Variants in IL17RD observed in about 807,000 individuals in gnomAD.
IL17RD encodes interleukin 17 receptor D.
IL17RD carries 52 observed loss-of-function variants against 80.5 expected under a neutral mutation model. The ratio of observed to expected loss-of-function variants is 0.65; its 90% CI spans 0.52 to 0.81. The LOEUF is 0.81. Among genes scored for constraint, IL17RD ranks in the 40% least tolerant of loss-of-function variants. The pLI is 0.00. For missense variants in IL17RD, 1,024 were observed against 955.1 expected (o/e 1.07, Z -0.95); for synonymous variants, 416 against 391.8 (o/e 1.06, Z -0.73).
At chr3:57,139,539 G>C (rs1342556501) in intron 1 of IL17RD, among the ~76,000 whole-genome samples, 1 of 149,404 alleles carries the variant, frequency 6.7e-6, no homozygotes, top group Non-Finnish European at 1.5e-5. Context: ...TTTGAGACGG[G>C]GTCTTGCTCT....
chr3:57,114,970 G>A (rs779397971), intron 2 of IL17RD, among the ~76,000 whole-genome samples, 153 bp from the exon 3 acceptor site: 3 of 152,122 alleles, frequency 2.0e-5, no homozygotes, highest in South Asian at 2.1e-4. Context: ...GACATGAGAG[G>A]TTGACTACTG....
At chr3:57,158,997 A>G (rs1401693399) in intron 1 of IL17RD, among the ~76,000 whole-genome samples, 1 of 152,200 alleles carries the variant, frequency 6.6e-6, no homozygotes, top group Non-Finnish European at 1.5e-5. Flanking sequence ...TGAACAGACA[A>G]CATGCCCTTC....
At position 57,092,977 on chromosome 3, in the gene IL17RD, A is replaced by G. The variant is rs536743180; in HGVS notation, c.*3416T>C. 6.6e-6 allele frequency: 1 copy of G among 152,234 alleles called. No homozygotes were observed. Among genetic ancestry groups the G allele is most frequent in the African/African-American group, 2.4e-5 (1 of 41,532 alleles). 9.4% of individuals were successfully genotyped at this position (152,234 alleles called of 1,614,324 possible). On this transcript the variant is annotated 3_prime_UTR_variant, in exon 13 of 13. Coordinates refer to ENST00000296318, the MANE Select transcript of IL17RD (RefSeq NM_017563.5). ...GTTGCCAATATTTTTTAAAATCAGA[A>G]TTTTTCATATAAAAATCCAGATTGT...
chr3:57,125,530 C>T (rs1439578674), intron 1 of IL17RD, among the ~76,000 whole-genome samples: 2 of 152,180 alleles, frequency 1.3e-5, no homozygotes, highest in African/African-American at 4.8e-5. Context: ...GGTCATCCTT[C>T]CCAAGAAGGT....
chr3:57,110,202 G>A lies in IL17RD; in HGVS notation c.420C>T (p.Phe140=). The part of the protein sequence containing the change: ...LKDPKQLNSS[F]KRTGMESQPF... The stretch of plus-strand genomic sequence containing the variant: ...CCCCAGTGTGACTTACAGTTCTTTT[G>A]AAGCTACTGTTGAGCTGCTTCGGAT... Residue 140 remains phenylalanine, a synonymous_variant, in exon 4 of 13, where the codon TTC becomes TTT. Transcript: ENST00000296318. 2 of 1,595,368 alleles carry A rather than the reference G, an allele frequency of 1.3e-6. No homozygotes were observed. Among genetic ancestry groups the A allele is most frequent in the Non-Finnish European group, 1.7e-6 (2 of 1,170,046 alleles).
rs779894309 is a variant in IL17RD at position 57,115,350 on chromosome 3, C to T, written c.185-533G>A. Among the ~76,000 whole-genome samples the T allele has an allele frequency of 3.8e-4, 58 of 152,136 alleles. 1 individual carries two copies. The highest frequency in any genetic ancestry group is 7.1e-4 in the Non-Finnish European group (48 of 68,034). On this transcript the variant is annotated intron_variant, in intron 2 of 12. Coordinates refer to ENST00000296318, the MANE Select transcript of IL17RD (RefSeq NM_017563.5). ...TTAGCACAGGCTACTAACTCAGTGA[C>T]AAGTGATAAAGATGTTAACTAGCAT...
intron 1 of IL17RD, among the ~76,000 whole-genome samples, chr3:57,127,239 T>TAAAA (rs1553625548): frequency 1.0e-5 from 1 of 98,742 alleles, no homozygotes; most frequent in Non-Finnish European, 1.7e-5. Context: ...TAAAAATATA[T>TAAAA]AAATATATAT....
In IL17RD at chr3:57,097,774, C is replaced by T; in HGVS notation, c.1929G>A (p.Leu643=). ...ARPALDGSAA[L]QPLLHTVKAG... is the part of the protein sequence containing the mutation. ...CTTTCACCGTGTGCAGCAGGGGTTGCAGGGCGGCGCTACCGTCAAGGGCAG... is the reference window on the plus strand; with the variant it reads ...CTTTCACCGTGTGCAGCAGGGGTTGTAGGGCGGCGCTACCGTCAAGGGCAG... Residue 643 remains leucine, a synonymous_variant, in exon 12 of 13, where the codon CTG becomes CTA. Coordinates refer to ENST00000296318, the MANE Select transcript of IL17RD (RefSeq NM_017563.5). 3 of 1,602,030 alleles carry T rather than the reference C, an allele frequency of 1.9e-6. No homozygotes were observed. Among genetic ancestry groups the T allele is most frequent in the Non-Finnish European group, 2.6e-6 (3 of 1,173,834 alleles).
At position 57,120,373 on chromosome 3, in the gene IL17RD, G is replaced by A. The variant is rs1433266663; in HGVS notation, c.127-60C>T. ...AGCCAATTTGCTCTTCCAACACAAA[G>A]CCCCATGGAGTCCAAATGCAAGCAG... is the stretch of plus-strand genomic sequence containing the variant. On this transcript the variant is annotated intron_variant, in intron 1 of 12. Coordinates refer to ENST00000296318, the MANE Select transcript of IL17RD (RefSeq NM_017563.5). 1.6e-5 allele frequency: 20 copies of A among 1,223,004 alleles called. No homozygotes were observed. In the Admixed American group the frequency reaches 3.5e-4, roughly 21 times the overall value. The allele number at this position is 1,223,004 out of a possible 1,614,324, so 75.8% of individuals were successfully genotyped here.
chr3:57,155,041 T>A (rs1423576171), intron 1 of IL17RD, among the ~76,000 whole-genome samples: 1 of 152,082 alleles, frequency 6.6e-6, no homozygotes, highest in African/African-American at 2.4e-5. Flanking sequence ...GGGCAAAAAC[T>A]CATTTCCACA....
At chr3:57,159,650 C>T (rs1435678884) in intron 1 of IL17RD, among the ~76,000 whole-genome samples, 2 of 152,186 alleles carry the variant, frequency 1.3e-5, no homozygotes, top group East Asian at 3.9e-4. Flanking sequence ...AGCCCCCCGG[C>T]TGACTGAGGG....
chr3:57,096,594 G>C, intron 12 of IL17RD, 89 bp from the exon 13 acceptor site: 3 of 940,232 alleles, frequency 3.2e-6, no homozygotes, highest in Non-Finnish European at 5.3e-6. Context: ...CTGGATCTGG[G>C]TTTGGACTAT....
chr3:57,108,221 G>A (rs1032517555), intron 5 of IL17RD, among the ~76,000 whole-genome samples: 62 of 151,708 alleles, frequency 4.1e-4, no homozygotes, highest in African/African-American at 1.4e-3. Flanking sequence ...CACCACACCC[G>A]GCTAATTTTT....
At chr3:57,143,217 A>G (rs1413712782) in intron 1 of IL17RD, among the ~76,000 whole-genome samples, 1 of 152,240 alleles carries the variant, frequency 6.6e-6, no homozygotes, top group African/African-American at 2.4e-5. Flanking sequence ...CTCCGCTGTC[A>G]GCCACTGCTT....
chr3:57,097,768 G>A lies in IL17RD; in HGVS notation c.1935C>T (p.Pro645=). Reference sequence around the variant, plus strand: ...TGCCGGCTTTCACCGTGTGCAGCAGGGGTTGCAGGGCGGCGCTACCGTCAA... The same window carrying A: ...TGCCGGCTTTCACCGTGTGCAGCAGAGGTTGCAGGGCGGCGCTACCGTCAA... The part of the protein sequence containing the change: ...PALDGSAALQ[P]LLHTVKAGSP... The change falls in exon 12 of 13, where the codon CCC becomes CCT. Residue 645 remains proline, a synonymous_variant. Coordinates refer to ENST00000296318, the MANE Select transcript of IL17RD (RefSeq NM_017563.5). 6.2e-7 allele frequency: 1 copy of A among 1,603,426 alleles called. No individual in the cohort carries two copies. The highest frequency in any genetic ancestry group is 1.1e-5 in the South Asian group (1 of 89,170).
chr3:57,142,527 C>G, intron 1 of IL17RD: 1 of 1,286,286 alleles, frequency 7.8e-7, no homozygotes. Flanking sequence ...CCAACCGCCC[C>G]GTCTGACCTC....
chr3:57,098,682 T>C (rs1161372307), intron 11 of IL17RD, 144 bp from the exon 12 acceptor site: 1 of 638,352 alleles, frequency 1.6e-6, no homozygotes, highest in African/African-American at 1.8e-5. Context: ...AGGCTCCAGG[T>C]TACACCATAC....
At position 57,090,110 on chromosome 3, in the gene IL17RD, C is replaced by T. The variant is rs1706520522; in HGVS notation, c.*6283G>A. 1.3e-5 allele frequency: 2 copies of T among 152,578 alleles called. No homozygotes were observed. Among genetic ancestry groups the T allele is most frequent in the Non-Finnish European group, 2.9e-5 (2 of 68,032 alleles). The allele number at this position is 152,578 out of a possible 1,614,324, so 9.5% of individuals were successfully genotyped here. A position where few individuals can be genotyped will look rare whatever the true frequency, so the allele number is the denominator to read the frequency against. On this transcript the variant is annotated 3_prime_UTR_variant, in exon 13 of 13. Transcript: ENST00000296318. ...ATCAAGTCATTAACATTTTCAATGTCAAAAATACAGCACGCTGTTAAGAGT... is the reference window on the plus strand; with the variant it reads ...ATCAAGTCATTAACATTTTCAATGTTAAAAATACAGCACGCTGTTAAGAGT...
rs183002952 is a variant in IL17RD, at chr3:57,108,576, C to T, written c.550+961G>A. On this transcript the variant is annotated intron_variant, in intron 5 of 12. Transcript: ENST00000296318. Reference sequence around the variant, plus strand: ...TTTCACCCAGGCTGGAGTACAGTGGCTTGATCTCAGCTCACTGCAACCTCC... The same window carrying T: ...TTTCACCCAGGCTGGAGTACAGTGGTTTGATCTCAGCTCACTGCAACCTCC... Among the ~76,000 whole-genome samples the T allele has an allele frequency of 5.2e-3, 618 of 119,846 alleles. 2 individuals carry two copies. Among genetic ancestry groups the T allele is most frequent in the African/African-American group, 0.019 (596 of 30,884 alleles). The allele number at this position is 119,846 out of a possible 152,430, so 78.6% of individuals were successfully genotyped here.
Sources: allele counts gnomAD v4.1 joint callset (sites outside exome capture counted in the v4.1 genomes callset), GRCh38; gene constraint gnomAD v4.1.1; transcripts MANE v1.5; gene names NCBI Gene and HGNC (gene_info 2026-07-23, HGNC 2026-07-21).